PKD1L3: variants seen among roughly 807,000 people sequenced by gnomAD.
PKD1L3 encodes polycystin 1 like 3, transient receptor potential channel interacting.
PKD1L3 carries 239 observed loss-of-function variants against 184.1 expected under a neutral mutation model. The ratio of observed to expected loss-of-function variants is 1.30; its 90% CI spans 1.17 to 1.45. The LOEUF (loss-of-function observed/expected upper bound fraction) is 1.45. Among genes scored for constraint, PKD1L3 ranks in the 40% most tolerant of loss-of-function variants. The pLI is 0.00. For synonymous variants in PKD1L3, 996 were observed against 778.8 expected (o/e 1.28, Z -4.64); for missense variants, 2,660 against 2,067.2 (o/e 1.29, Z -5.56).
At position 71,947,504 on chromosome 16, in the gene PKD1L3, A is replaced by C. The variant is rs1482641848; in HGVS notation, c.3706T>G (p.Leu1236Val). 1 of 1,524,240 alleles carries C rather than the reference A, an allele frequency of 6.6e-7. No homozygotes were observed. Among genetic ancestry groups the C allele is most frequent in the East Asian group, 2.4e-5 (1 of 40,822 alleles). 94.4% of individuals were successfully genotyped at this position (1,524,240 alleles called of 1,614,324 possible). Residue 1236 changes from leucine to valine, a missense_variant, in exon 22 of 30, where the codon TTG becomes GTG. Physicochemically the swap from Leu to Val is conservative, Grantham distance 32 (BLOSUM62 1). Transcript: ENST00000620267. ...KENEQQTKRI[L>V]ALLAKCSSSV... ...CTACTTGAGTTACCCAAGAGTGCCA[A>C]GATCCTCTTTGTTTGTTGTTCATTC...
chr16:71,957,999 C>T (rs2039112083), intron 16 of PKD1L3, among the ~76,000 whole-genome samples: 1 of 152,158 alleles, frequency 6.6e-6, no homozygotes, highest in Non-Finnish European at 1.5e-5. Context: ...GCTCCACAGG[C>T]AGAAGACAAT....
intron 15 of PKD1L3, among the ~76,000 whole-genome samples, chr16:71,966,276 T>TC (rs1353517397): frequency 6.6e-6 from 1 of 152,096 alleles, no homozygotes; most frequent in African/African-American, 2.4e-5. Context: ...CTAGCACCTC[T>TC]CCTAATTCTG....
intron 12 of PKD1L3, among the ~76,000 whole-genome samples, chr16:71,972,013 G>C (rs545384030): frequency 2.0e-5 from 3 of 151,990 alleles, no homozygotes; most frequent in South Asian, 2.1e-4. Context: ...ACAGGAGATC[G>C]AGACCATCCT....
At chr16:71,983,456 C>T (rs558124417) in intron 6 of PKD1L3, among the ~76,000 whole-genome samples, 1 of 152,186 alleles carries the variant, frequency 6.6e-6, no homozygotes, top group South Asian at 2.1e-4. Context: ...TGAATGCCGA[C>T]AGACTTCTAA....
At chr16:71,936,916 T>C (rs2038200136) in intron 25 of PKD1L3, among the ~76,000 whole-genome samples, 1 of 152,208 alleles carries the variant, frequency 6.6e-6, no homozygotes, top group Non-Finnish European at 1.5e-5. Context: ...ATCTATTTGG[T>C]GGAAAACCAG....
At chr16:71,938,293 C>G (rs2038247996) in intron 24 of PKD1L3, among the ~76,000 whole-genome samples, 1 of 152,266 alleles carries the variant, frequency 6.6e-6, no homozygotes, top group African/African-American at 2.4e-5. Flanking sequence ...CCCCTACTGC[C>G]TCGGCCTTCT....
chr16:71,938,368 C>G (rs1834035), intron 24 of PKD1L3, among the ~76,000 whole-genome samples: 121,941 of 152,264 alleles, frequency 0.8, 49,192 homozygotes, highest in East Asian at 0.98. Flanking sequence ...GGGTGGCTTG[C>G]CATGGGCCCG....
chr16:71,931,461 C>G (rs547180296), intron 28 of PKD1L3, among the ~76,000 whole-genome samples: 1 of 147,078 alleles, frequency 6.8e-6, no homozygotes, highest in Admixed American at 6.8e-5. Context: ...TCTTCTCCCC[C>G]ACTTTTTTTT....
At chr16:71,953,828 G>C (rs2038942148) in intron 17 of PKD1L3, among the ~76,000 whole-genome samples, 1 of 152,198 alleles carries the variant, frequency 6.6e-6, no homozygotes, top group African/African-American at 2.4e-5. Context: ...TTGGACGTGA[G>C]ATTTGGGTGG....
chr16:71,963,780 C>CAAA (rs140447613), intron 15 of PKD1L3, among the ~76,000 whole-genome samples: 1 of 151,098 alleles, frequency 6.6e-6, no homozygotes, highest in Non-Finnish European at 1.5e-5. Context: ...GAGACTCTGT[C>CAAA]AAAAAAAACA....
chr16:71,999,221 A>G (rs1211698787), intron 1 of PKD1L3, among the ~76,000 whole-genome samples: 1 of 151,454 alleles, frequency 6.6e-6, no homozygotes, highest in Non-Finnish European at 1.5e-5. Flanking sequence ...CAGTGAGCCA[A>G]GATGGCACCA....
intron 4 of PKD1L3, among the ~76,000 whole-genome samples, chr16:71,987,865 C>T (rs959456855): frequency 1.3e-5 from 2 of 152,154 alleles, no homozygotes; most frequent in African/African-American, 2.4e-5. Flanking sequence ...AGGTTAGTGA[C>T]GGTATGTGAG....
At chr16:71,958,475 A>G (rs1360361946) in intron 16 of PKD1L3, among the ~76,000 whole-genome samples, 1 of 151,462 alleles carries the variant, frequency 6.6e-6, no homozygotes, top group Non-Finnish European at 1.5e-5. Context: ...AGCCCAGAGT[A>G]ATGATAAGAA....
rs2143615112 is a variant in PKD1L3 at position 71,969,958 on chromosome 16, C to T, written c.2101G>A (p.Val701Met). 6.4e-7 allele frequency: 1 copy of T among 1,551,860 alleles called. No individual in the cohort carries two copies. The highest frequency in any genetic ancestry group is 8.7e-7 in the Non-Finnish European group (1 of 1,147,050). The change falls in exon 13 of 30, where the codon GTG (valine) becomes ATG (methionine). Residue 701 changes from valine to methionine, a missense_variant. Val to Met is a conservative substitution (Grantham distance 21). Coordinates refer to ENST00000620267, the MANE Select transcript of PKD1L3 (RefSeq NM_181536.2). Reference protein sequence around the residue: ...FLRVTNNPVGVSLLASLLGFY... With the variant: ...FLRVTNNPVGMSLLASLLGFY... ...CCTAAAAGGCTGGCCAGCAGTGACACCCCAACAGGATTGTTGGTCACGCGA... is the reference window on the plus strand; with the variant it reads ...CCTAAAAGGCTGGCCAGCAGTGACATCCCAACAGGATTGTTGGTCACGCGA...
At chr16:71,997,756 T>TAAATAAAC (rs761119778) in intron 2 of PKD1L3, among the ~76,000 whole-genome samples, 17 of 137,676 alleles carry the variant, frequency 1.2e-4, no homozygotes, top group African/African-American at 3.6e-4. Context: ...CTTGGAAAAA[T>TAAATAAAC]AAATAAATAA....
chr16:71,954,588 A>G (rs1431575579), intron 16 of PKD1L3, among the ~76,000 whole-genome samples: 1 of 152,228 alleles, frequency 6.6e-6, no homozygotes, highest in Non-Finnish European at 1.5e-5. Flanking sequence ...TTTTAGCTTT[A>G]TAAGAGTTTT....
At chr16:71,945,384 A>ATTTATT (rs1555514795) in intron 22 of PKD1L3, among the ~76,000 whole-genome samples, 2 of 40,670 alleles carry the variant, frequency 4.9e-5, no homozygotes, top group African/African-American at 2.5e-4. Flanking sequence ...GCACACACAC[A>ATTTATT]TATATATATA....
At chr16:71,953,681 C>T (rs2038936364) in intron 17 of PKD1L3, among the ~76,000 whole-genome samples, 1 of 152,052 alleles carries the variant, frequency 6.6e-6, no homozygotes. Context: ...GCAACCTCCG[C>T]CTCCTGGGTT....
chr16:71,997,604 C>T (rs1033405418), intron 2 of PKD1L3, among the ~76,000 whole-genome samples: 7 of 152,086 alleles, frequency 4.6e-5, no homozygotes, highest in East Asian at 3.9e-4. Flanking sequence ...CAAAATTAGC[C>T]GGGCATGGTG....
Sources: allele counts gnomAD v4.1 joint callset (sites outside exome capture counted in the v4.1 genomes callset), GRCh38; gene constraint gnomAD v4.1.1; transcripts MANE v1.5; gene names NCBI Gene and HGNC (gene_info 2026-07-23, HGNC 2026-07-21).